Variants in SGIP1 observed in about 807,000 individuals in gnomAD.
SGIP1 encodes SH3GL interacting endocytic adaptor 1, also known as SH3-containing GRB2-like protein 3-interacting protein 1.
In SGIP1, 38 loss-of-function variants were observed where a neutral mutation model predicts 107.5. The ratio of observed to expected loss-of-function variants is 0.35; its 90% confidence interval spans 0.27 to 0.46. The LOEUF (loss-of-function observed/expected upper bound fraction) is 0.46. Among genes scored for constraint, SGIP1 ranks in the 20% least tolerant of loss-of-function variants. The probability of loss-of-function intolerance (pLI) is 1.00; values close to 1 mark genes in which losing one functional copy is unlikely to be tolerated. For synonymous variants in SGIP1, 365 were observed against 366.1 expected, an observed-to-expected ratio of 1.00 and a Z score of 0.03; for missense variants, 929 against 1,019.5, an observed-to-expected ratio of 0.91 and a Z score of 1.21.
intron 1 of SGIP1, among the ~76,000 whole-genome samples, chr1:66,543,240 C>G (rs372861771): frequency 6.6e-6 from 1 of 151,836 alleles, no homozygotes; most frequent in Non-Finnish European, 1.5e-5. Context: ...TTCTACCACA[C>G]GTTTTATCAA....
rs2053021396 is a variant in SGIP1 at position 66,534,169 on chromosome 1, G to T, written c.-190G>T. The T allele has an allele frequency of 6.4e-6, 4 of 626,512 alleles. No homozygotes were observed. The highest frequency in any genetic ancestry group is 5.9e-5 in the South Asian group (3 of 51,208). 38.8% of individuals were successfully genotyped at this position (626,512 alleles called of 1,614,324 possible). A position where few individuals can be genotyped will look rare whatever the true frequency, so the allele number is the denominator to read the frequency against. ...TCTCTCAGCATCTTCTTGGTAGCCT[G>T]CCTGTAGGTGAAGAAGCACCAGCAG... is the stretch of plus-strand genomic sequence containing the variant. On this transcript the variant is annotated 5_prime_UTR_variant, in exon 1 of 25. Coordinates refer to ENST00000371037, the MANE Select transcript of SGIP1 (RefSeq NM_032291.4).
chr1:66,741,362 C>T lies in SGIP1; in HGVS notation c.2390C>T (p.Thr797Ile). 1 of 1,611,760 alleles carries T rather than the reference C, an allele frequency of 6.2e-7. No individual in the cohort carries two copies. The change falls in exon 24 of 25, where the codon ACC (threonine) becomes ATC (isoleucine). Residue 797 changes from threonine to isoleucine, a missense_variant. Thr to Ile is a moderately conservative substitution (Grantham distance 89). Coordinates refer to ENST00000371037, the MANE Select transcript of SGIP1 (RefSeq NM_032291.4). ...LVVQFTSEGSTLSGCDIELVG... is the reference protein window; with the variant it reads ...LVVQFTSEGSILSGCDIELVG... ...GTGCAGTTCACAAGTGAAGGAAGCACCCTTTCTGGCTGTGACATTGAACTT... is the reference window on the plus strand; with the variant it reads ...GTGCAGTTCACAAGTGAAGGAAGCATCCTTTCTGGCTGTGACATTGAACTT...
rs1378900680 is a variant in SGIP1 at position 66,748,837 on chromosome 1, A to AT, written c.*5744dup. 6.6e-6 allele frequency among the ~76,000 whole-genome samples: 1 copy of AT among 152,036 alleles called. No individual in the cohort carries two copies. Among genetic ancestry groups the AT allele is most frequent in the African/African-American group, 2.4e-5 (1 of 41,448 alleles). On this transcript the variant is annotated 3_prime_UTR_variant, in exon 25 of 25. Transcript: ENST00000371037. ...ATACTATAATTCTCTCTCCTTGGAC[A>AT]TTGACAATAAATGTTAGTGTTTTAA...
chr1:66,551,203 T>G (rs2057350452), intron 1 of SGIP1, among the ~76,000 whole-genome samples: 1 of 152,168 alleles, frequency 6.6e-6, no homozygotes, highest in African/African-American at 2.4e-5. Context: ...GTTTCTCATA[T>G]TTTACTTTGT....
rs567127728 is a variant in SGIP1 at position 66,703,666 on chromosome 1, A to G, written c.1630+8173A>G. Among the ~76,000 whole-genome samples the G allele has an allele frequency of 6.6e-5, 10 of 151,366 alleles. No homozygotes were observed. The South Asian group carries it at 2.1e-3, about 31-fold the overall frequency. ...GACATACTGATATAGCATACATACT[A>G]TATATTGTATATCAGCTATATCACA... On this transcript the variant is annotated intron_variant, in intron 18 of 24. Coordinates refer to ENST00000371037, the MANE Select transcript of SGIP1 (RefSeq NM_032291.4).
At position 66,744,798 on chromosome 1, in the gene SGIP1, A is replaced by G. The variant is rs932555814; in HGVS notation, c.*1703A>G. The G allele has an allele frequency of 2.0e-5, 3 of 152,458 alleles. No homozygotes were observed. The highest frequency in any genetic ancestry group is 7.2e-5 in the African/African-American group (3 of 41,426). The allele number at this position is 152,458 out of a possible 1,614,324, so 9.4% of individuals were successfully genotyped here. A position where few individuals can be genotyped will look rare whatever the true frequency, so the allele number is the denominator to read the frequency against. ...ATGGGAAAATTCTTACTATTCAACA[A>G]ACTCTCAGTTGGCCCCCTACAGCAG... On this transcript the variant is annotated 3_prime_UTR_variant, in exon 25 of 25. Coordinates refer to ENST00000371037, the MANE Select transcript of SGIP1 (RefSeq NM_032291.4).
At chr1:66,543,576 G>T (rs929104664) in intron 1 of SGIP1, among the ~76,000 whole-genome samples, 8 of 152,184 alleles carry the variant, frequency 5.3e-5, no homozygotes, top group East Asian at 3.9e-4. Flanking sequence ...GGCTGGCTGG[G>T]TGACTGCCAA....
chr1:66,692,160 CAA>C (rs10677616), intron 17 of SGIP1, among the ~76,000 whole-genome samples: 4 of 136,324 alleles, frequency 2.9e-5, no homozygotes, highest in Non-Finnish European at 4.7e-5. Context: ...GACTCCATCT[CAA>C]AAAAAAAAAA....
At position 66,558,453 on chromosome 1, in the gene SGIP1, G is replaced by A. The variant is rs1329460943; in HGVS notation, c.10+24085G>A. ...CACAACGGCCCATCTAGCACAGTGAGTATATTAGACTATATATTATATTAC... is the reference window on the plus strand; with the variant it reads ...CACAACGGCCCATCTAGCACAGTGAATATATTAGACTATATATTATATTAC... On this transcript the variant is annotated intron_variant, in intron 1 of 24. Transcript: ENST00000371037. Among the ~76,000 whole-genome samples the A allele has an allele frequency of 2.0e-5, 3 of 151,826 alleles. No individual in the cohort carries two copies. In the East Asian group the frequency reaches 5.9e-4, roughly 30 times the overall value.
At chr1:66,663,090 T>C (rs949027852) in intron 8 of SGIP1, among the ~76,000 whole-genome samples, 1 of 152,002 alleles carries the variant, frequency 6.6e-6, no homozygotes, top group Non-Finnish European at 1.5e-5. Context: ...ATCTGGATGC[T>C]CATCATCTCT....
At chr1:66,683,352 A>C (rs1008861486) in intron 15 of SGIP1, among the ~76,000 whole-genome samples, 1 of 152,122 alleles carries the variant, frequency 6.6e-6, no homozygotes, top group African/African-American at 2.4e-5. Context: ...ATAAAGTGTA[A>C]GGTACTTAAA....
At chr1:66,635,835 G>A in intron 3 of SGIP1, 109 bp from the exon 4 acceptor site, 1 of 1,152,176 alleles carries the variant, frequency 8.7e-7, no homozygotes, top group Non-Finnish European at 1.3e-6. Flanking sequence ...GCCTAGAGAT[G>A]GTTTCTTCTA....
intron 1 of SGIP1, among the ~76,000 whole-genome samples, chr1:66,552,783 CT>C (rs1035446271): frequency 1.3e-5 from 2 of 152,106 alleles, no homozygotes; most frequent in Non-Finnish European, 2.9e-5. Context: ...AATTAATCTT[CT>C]TTTTTTTGTT....
intron 3 of SGIP1, among the ~76,000 whole-genome samples, chr1:66,633,731 C>A (rs1243808668): frequency 6.6e-6 from 1 of 152,016 alleles, no homozygotes; most frequent in South Asian, 2.1e-4. Flanking sequence ...GGAGTCTGCA[C>A]CGACTCCTAA....
chr1:66,557,822 A>G (rs1203854313), intron 1 of SGIP1, among the ~76,000 whole-genome samples: 1 of 152,138 alleles, frequency 6.6e-6, no homozygotes, highest in African/African-American at 2.4e-5. Flanking sequence ...CTTTTGTTAG[A>G]AGTGGAAATG....
In SGIP1 at chr1:66,684,176, A is replaced by G. The variant is rs983351439; in HGVS notation, c.1315+1807A>G. The G allele has an allele frequency of 3.2e-6, 5 of 1,550,464 alleles. No individual in the cohort carries two copies. The African/African-American group carries it at 6.8e-5, about 21-fold the overall frequency. On this transcript the variant is annotated intron_variant, in intron 15 of 24. Transcript: ENST00000371037. ...TTACAAGCTGGAGGCAATGAACTGGATTCATACTCAGGTCTGTCTGAGCTG... is the reference window on the plus strand; with the variant it reads ...TTACAAGCTGGAGGCAATGAACTGGGTTCATACTCAGGTCTGTCTGAGCTG...
At chr1:66,684,243 T>TA in intron 15 of SGIP1, 1 of 1,549,806 alleles carries the variant, frequency 6.5e-7, no homozygotes, top group Admixed American at 2.0e-5. Context: ...GGCACTTTTG[T>TA]AAGGTTTGGT....
chr1:66,740,150 C>A (rs549265503), intron 22 of SGIP1, among the ~76,000 whole-genome samples: 2 of 152,236 alleles, frequency 1.3e-5, no homozygotes, highest in Admixed American at 6.5e-5. Flanking sequence ...CATTTTGTAG[C>A]CTCTGAACTA....
At chr1:66,634,975 A>G (rs1009249784) in intron 3 of SGIP1, among the ~76,000 whole-genome samples, 2 of 152,190 alleles carry the variant, frequency 1.3e-5, no homozygotes, top group African/African-American at 4.8e-5. Context: ...CTATAGACCC[A>G]GTTCACTTTT....
Sources: allele counts gnomAD v4.1 joint callset (sites outside exome capture counted in the v4.1 genomes callset), GRCh38; gene constraint gnomAD v4.1.1; transcripts MANE v1.5; gene names NCBI Gene and HGNC (gene_info 2026-07-23, HGNC 2026-07-21).